RPH3A: variants seen among roughly 807,000 people sequenced by gnomAD.
RPH3A encodes the protein rabphilin 3A, also known as rabphilin-3A.
In RPH3A, 48 loss-of-function variants were observed where a neutral mutation model predicts 102.2. The ratio of observed to expected loss-of-function variants is 0.47; its 90% CI spans 0.37 to 0.60. RPH3A has a LOEUF of 0.60. Among genes scored for constraint, RPH3A ranks in the 20% least tolerant of loss-of-function variants. RPH3A has a pLI of 0.00. For synonymous variants in RPH3A, 310 were observed against 324.3 expected (o/e 0.96, Z 0.47); for missense variants, 781 against 910.1 (o/e 0.86, Z 1.83).
intron 1 of RPH3A, among the ~76,000 whole-genome samples, chr12:112,724,052 A>ATTT (rs146271090): frequency 1.0e-3 from 122 of 117,300 alleles, no homozygotes; most frequent in African/African-American, 3.7e-3. Context: ...AATTTTTTTG[A>ATTT]TTTTTTTTTT....
rs951210112 is a variant in RPH3A, at chr12:112,750,130, T to C, written c.-139-42013T>C. 2.2e-4 allele frequency among the ~76,000 whole-genome samples: 33 copies of C among 152,128 alleles called. 1 individual carries two copies. The highest frequency in any genetic ancestry group is 4.6e-4 in the Non-Finnish European group (31 of 68,006). On this transcript the variant is annotated intron_variant, in intron 1 of 21. Coordinates refer to the RPH3A transcript ENST00000543106. ...CAGGGAGAGCCACTGCATGAACATC[T>C]ATTATAAGCCTTACAGCACTGCAAT...
intron 2 of RPH3A, among the ~76,000 whole-genome samples, chr12:112,812,252 G>A (rs145806713): frequency 3.3e-5 from 5 of 152,068 alleles, no homozygotes; most frequent in African/African-American, 1.2e-4. Flanking sequence ...AGAACACCAC[G>A]GTCTGAGGGA....
chr12:112,639,999 G>A (rs1265361031), intron 1 of RPH3A, among the ~76,000 whole-genome samples: 3 of 151,994 alleles, frequency 2.0e-5, no homozygotes, highest in African/African-American at 7.3e-5. Context: ...TCATACAGCT[G>A]GGAAATAGTG....
At chr12:112,867,269 T>C (rs1180751888) in intron 7 of RPH3A, among the ~76,000 whole-genome samples, 1 of 152,156 alleles carries the variant, frequency 6.6e-6, no homozygotes, top group Non-Finnish European at 1.5e-5. Flanking sequence ...CACCCTTTTC[T>C]CGGCGATTTC....
Position 112,818,736 on chromosome 12 carries a change from G to A in RPH3A, c.-18-9565G>A, listed in dbSNP as rs116533239. On this transcript the variant is annotated intron_variant, in intron 2 of 21. Transcript: ENST00000389385. ...ACCACACAGATTGATACTGAGAGAG[G>A]ATGTTTTCCCAAAAGAAAATTGGGG... Among the ~76,000 whole-genome samples the A allele has an allele frequency of 5.1e-3, 783 of 152,244 alleles. 6 individuals are homozygous for A. The highest frequency in any genetic ancestry group is 0.017 in the African/African-American group (717 of 41,544).
chr12:112,760,601 T>C (rs2040848717), intron 1 of RPH3A, among the ~76,000 whole-genome samples: 1 of 152,176 alleles, frequency 6.6e-6, no homozygotes, highest in African/African-American at 2.4e-5. Context: ...AGGACCTGCT[T>C]TGGTTCAGGC....
At chr12:112,861,111 T>C (rs1397479721) in intron 5 of RPH3A, among the ~76,000 whole-genome samples, 1 of 152,268 alleles carries the variant, frequency 6.6e-6, no homozygotes, top group East Asian at 1.9e-4. Flanking sequence ...ACCCCTCAAA[T>C]TCTCTCCCAC....
In RPH3A at chr12:112,694,638, G is replaced by A. The variant is rs936589139; in HGVS notation, c.-139-97505G>A. Reference sequence around the variant, plus strand: ...GAGAGACAAAGACACACGCACGCGCGCGCGCGCACACGCACACACACACAC... The same window carrying A: ...GAGAGACAAAGACACACGCACGCGCACGCGCGCACACGCACACACACACAC... On this transcript the variant is annotated intron_variant, in intron 1 of 21. Transcript: ENST00000543106. Among the ~76,000 whole-genome samples the A allele has an allele frequency of 6.4e-4, 70 of 108,978 alleles. 1 individual carries two copies. The East Asian group carries it at 0.011, about 17-fold the overall frequency. The allele number at this position is 108,978 out of a possible 152,430, so 71.5% of individuals were successfully genotyped here.
intron 1 of RPH3A, among the ~76,000 whole-genome samples, chr12:112,752,915 T>C (rs1230359738): frequency 6.6e-6 from 1 of 151,618 alleles, no homozygotes; most frequent in Non-Finnish European, 1.5e-5. Flanking sequence ...GACTGTATGA[T>C]CATTTATTTC....
chr12:112,887,921 C>T lies in RPH3A; in HGVS notation c.1561C>T (p.Pro521Ser). ...CAACATCTGCCTGGAGCGAGTGATT[C>T]CTGTGAGTGACTTTACCCTGAGGAT... ...NFNICLERVI[P>S]MKRAGTTGSA... The change falls in exon 17 of 22, where the codon CCT becomes TCT. Residue 521 changes from proline to serine, a missense_variant and splice_region_variant. Around this residue, in one of 2 missense-constraint regions of RPH3A, gnomAD observed 730 missense variants for 810.0 expected, o/e 0.90. Transcript: ENST00000389385. The T allele has an allele frequency of 6.2e-7, 1 of 1,613,110 alleles. No individual in the cohort carries two copies. The highest frequency in any genetic ancestry group is 2.2e-5 in the East Asian group (1 of 44,856).
At chr12:112,773,531 T>C (rs1473952067) in intron 1 of RPH3A, among the ~76,000 whole-genome samples, 1 of 152,156 alleles carries the variant, frequency 6.6e-6, no homozygotes, top group Non-Finnish European at 1.5e-5. Context: ...AGAGATTAAA[T>C]TAGTTTTCAT....
chr12:112,728,556 G>A (rs1265136979), intron 1 of RPH3A, among the ~76,000 whole-genome samples: 2 of 152,108 alleles, frequency 1.3e-5, no homozygotes, highest in African/African-American at 4.8e-5. Context: ...AAGAATCAAT[G>A]CCTTCTAGGT....
chr12:112,771,078 C>G (rs1254841324), intron 1 of RPH3A, among the ~76,000 whole-genome samples: 1 of 152,174 alleles, frequency 6.6e-6, no homozygotes, highest in East Asian at 1.9e-4. Context: ...AGGTTAAACC[C>G]TTCCCCCACA....
At chr12:112,599,897 C>G (rs2039546429) in intron 1 of RPH3A, among the ~76,000 whole-genome samples, 3 of 152,134 alleles carry the variant, frequency 2.0e-5, no homozygotes, top group African/African-American at 7.2e-5. Flanking sequence ...ACTAACTATC[C>G]CAGTGACTTC....
chr12:112,773,341 G>T (rs2136073703), intron 1 of RPH3A, among the ~76,000 whole-genome samples: 1 of 152,138 alleles, frequency 6.6e-6, no homozygotes, highest in Admixed American at 6.5e-5. Flanking sequence ...CAGTGGATTT[G>T]GTTCCTTGGT....
chr12:112,693,049 T>C (rs1055498022), intron 1 of RPH3A, among the ~76,000 whole-genome samples: 1 of 152,230 alleles, frequency 6.6e-6, no homozygotes, highest in African/African-American at 2.4e-5. Context: ...TTTCTATTCA[T>C]GAGTCTAATG....
intron 1 of RPH3A, among the ~76,000 whole-genome samples, chr12:112,713,005 C>CT (rs2040483017): frequency 6.0e-5 from 4 of 66,530 alleles, no homozygotes; most frequent in African/African-American, 1.3e-4. Flanking sequence ...CTTCCTCTTC[C>CT]TCTTCCTCTT....
At chr12:112,578,230 G>T (rs564098997) in intron 1 of RPH3A, among the ~76,000 whole-genome samples, 3 of 152,228 alleles carry the variant, frequency 2.0e-5, no homozygotes, top group African/African-American at 7.2e-5. Context: ...AAGGTAACAG[G>T]GTTTCTCGCA....
chr12:112,759,543 G>T (rs1409634691), intron 1 of RPH3A, among the ~76,000 whole-genome samples: 1 of 152,194 alleles, frequency 6.6e-6, no homozygotes, highest in African/African-American at 2.4e-5. Context: ...CTTGCCCAAG[G>T]TTGCACAGCT....
Sources: allele counts gnomAD v4.1 joint callset (sites outside exome capture counted in the v4.1 genomes callset), GRCh38; gene constraint gnomAD v4.1.1; regional missense constraint gnomAD v4.1.1; transcripts MANE v1.5; gene names NCBI Gene and HGNC (gene_info 2026-07-23, HGNC 2026-07-21).